The following ST7 variants were observed in gnomAD, a reference collection of about 807,000 sequenced individuals.
ST7 encodes suppressor of tumorigenicity 7 protein.
In ST7, 28 loss-of-function variants were observed where a neutral mutation model predicts 78.7. The observed-to-expected ratio is 0.36, with a 90% CI of 0.26 to 0.49. The LOEUF is 0.49. Among genes scored for constraint, ST7 ranks in the 20% least tolerant of loss-of-function variants. The pLI is 0.99. For synonymous variants in ST7, 247 were observed against 249.6 expected, an observed-to-expected ratio of 0.99 and a Z score of 0.10; for missense variants, 418 against 696.0, an observed-to-expected ratio of 0.60 and a Z score of 4.49.
intron 1 of ST7, chr7:116,972,285 C>G: frequency 1.8e-6 from 1 of 570,050 alleles, no homozygotes; most frequent in East Asian, 3.5e-5. Context: ...GCTTGGCTAC[C>G]GATCTCTCAG....
intron 10 of ST7, among the ~76,000 whole-genome samples, chr7:117,171,258 AC>A (rs1304577428): frequency 1.3e-5 from 2 of 151,722 alleles, no homozygotes; most frequent in Admixed American, 6.6e-5. Context: ...CTGCTCTATT[AC>A]CTCTGCGGTC....
intron 12 of ST7, among the ~76,000 whole-genome samples, chr7:117,206,985 T>G (rs1411540701): frequency 6.6e-6 from 1 of 152,194 alleles, no homozygotes; most frequent in Admixed American, 6.5e-5. Flanking sequence ...ATTTTTAATT[T>G]TGTTTGGTTT....
At chr7:116,982,316 C>T (rs1456793829) in intron 1 of ST7, among the ~76,000 whole-genome samples, 1 of 152,082 alleles carries the variant, frequency 6.6e-6, no homozygotes, top group Non-Finnish European at 1.5e-5. Flanking sequence ...CCTCCGCCTC[C>T]CAGGTTCAAG....
At chr7:117,150,590 G>A (rs1806167971) in intron 9 of ST7, among the ~76,000 whole-genome samples, 1 of 152,098 alleles carries the variant, frequency 6.6e-6, no homozygotes. Context: ...CTTCCTGCCT[G>A]CAGCTTCTCA....
chr7:117,051,206 G>C (rs1363601914), intron 1 of ST7, among the ~76,000 whole-genome samples: 2 of 152,214 alleles, frequency 1.3e-5, no homozygotes, highest in African/African-American at 4.8e-5. Context: ...GGTCCCTTCT[G>C]TCATGGAACT....
At chr7:117,020,775 A>G in intron 1 of ST7, 1 of 1,226,762 alleles carries the variant, frequency 8.2e-7, no homozygotes, top group Non-Finnish European at 1.1e-6. Context: ...GTCTCAGGGA[A>G]GGAACTCCCC....
At chr7:117,064,511 C>A (rs985675611) in intron 1 of ST7, among the ~76,000 whole-genome samples, 1 of 152,138 alleles carries the variant, frequency 6.6e-6, no homozygotes, top group African/African-American at 2.4e-5. Flanking sequence ...GTGTCTTCAC[C>A]AGCAGCAGGA....
chr7:116,971,187 A>G (rs1938305490), intron 1 of ST7, among the ~76,000 whole-genome samples: 1 of 152,246 alleles, frequency 6.6e-6, no homozygotes, highest in African/African-American at 2.4e-5. Context: ...CACAAACCCA[A>G]AGAAGCAAAG....
chr7:117,167,121 G>A (rs1487863263), intron 9 of ST7, among the ~76,000 whole-genome samples: 29 of 150,222 alleles, frequency 1.9e-4, no homozygotes. Flanking sequence ...TGCACATTGT[G>A]CAGGTTAGTT....
Position 116,995,226 on chromosome 7 carries a change from A to T in ST7, c.151+41535A>T, listed in dbSNP as rs1194987179. ...AAGAATCACCAACCCAAGAGATATT[A>T]GTCTTGTCTTTGCTCTTACTCATAA... On this transcript the variant is annotated intron_variant, in intron 1 of 15. Transcript: ENST00000323984. Among the ~76,000 whole-genome samples the T allele has an allele frequency of 3.3e-5, 5 of 152,250 alleles. No individual in the cohort carries two copies. The East Asian group carries it at 9.6e-4, about 29-fold the overall frequency.
At chr7:117,229,208 C>T (rs958072091) in intron 15 of ST7, among the ~76,000 whole-genome samples, 3 of 152,182 alleles carry the variant, frequency 2.0e-5, no homozygotes, top group Admixed American at 6.5e-5. Context: ...GCCCGTTTGC[C>T]GCCTTCTCCC....
chr7:117,192,929 CTG>C (rs757194263), intron 12 of ST7, among the ~76,000 whole-genome samples: 1 of 152,120 alleles, frequency 6.6e-6, no homozygotes, highest in Non-Finnish European at 1.5e-5. Context: ...AATCATGAAA[CTG>C]AGAGAAGGCA....
rs1466353326 is a variant in ST7 at position 117,097,900 on chromosome 7, ATATATATAT to A, written c.152-1860_152-1852del. ...TATCACTATATATATATATATATAT[ATATATATAT>A]TTTTTTTTTTTTTTTTTTTGATGGC... On this transcript the variant is annotated intron_variant, in intron 1 of 15. Transcript: ENST00000323984. Among the ~76,000 whole-genome samples, 3 of 28,158 alleles carry A rather than the reference ATATATATAT, an allele frequency of 1.1e-4. 1 individual carries two copies. The highest frequency in any genetic ancestry group is 4.5e-4 in the African/African-American group (3 of 6,644). The allele number at this position is 28,158 out of a possible 152,430, so 18.5% of individuals were successfully genotyped here.
chr7:117,192,821 A>G (rs939588628), intron 12 of ST7, among the ~76,000 whole-genome samples: 2 of 152,220 alleles, frequency 1.3e-5, no homozygotes, highest in African/African-American at 4.8e-5. Context: ...TAAGGCTGCC[A>G]TGGAAGAATT....
chr7:117,212,494 C>T (rs975511855), intron 13 of ST7, among the ~76,000 whole-genome samples: 1 of 152,140 alleles, frequency 6.6e-6, no homozygotes, highest in Admixed American at 6.5e-5. Context: ...TTTATTACAC[C>T]TGATCTCTCT....
At chr7:117,132,791 A>G (rs1211279946) in intron 6 of ST7, among the ~76,000 whole-genome samples, 1 of 151,720 alleles carries the variant, frequency 6.6e-6, no homozygotes, top group Non-Finnish European at 1.5e-5. Context: ...CTTGTCATCT[A>G]CAAATTCGAT....
chr7:117,136,038 C>G (rs1466231511), intron 7 of ST7, 43 bp from the exon 8 acceptor site: 2 of 1,603,406 alleles, frequency 1.2e-6, no homozygotes, highest in Admixed American at 1.7e-5. Flanking sequence ...ATTACCATGT[C>G]CTTGGCTTTG....
chr7:117,173,065 C>T (rs931223861), intron 10 of ST7, among the ~76,000 whole-genome samples: 3 of 152,120 alleles, frequency 2.0e-5, no homozygotes, highest in Admixed American at 6.5e-5. Context: ...TACAACAGCC[C>T]GTCCCACCCT....
intron 9 of ST7, among the ~76,000 whole-genome samples, chr7:117,168,017 A>G (rs910077170): frequency 1.3e-5 from 2 of 152,224 alleles, no homozygotes; most frequent in African/African-American, 4.8e-5. Flanking sequence ...GGAGCCGGAA[A>G]GGGCAATGGA....
Sources: allele counts gnomAD v4.1 joint callset (sites outside exome capture counted in the v4.1 genomes callset), GRCh38; gene constraint gnomAD v4.1.1; transcripts MANE v1.5; gene names NCBI Gene and HGNC (gene_info 2026-07-23, HGNC 2026-07-21).